TRPA1: variants seen among roughly 807,000 people sequenced by gnomAD.
TRPA1 encodes transient receptor potential cation channel subfamily A member 1, also known as ankyrin-like with transmembrane domains 1.
A neutral mutation model predicts 131.3 loss-of-function variants in TRPA1; 129 were observed. The observed-to-expected ratio is 0.98, with a 90% CI of 0.85 to 1.14. The LOEUF (loss-of-function observed/expected upper bound fraction) is 1.14, where lower values mean the gene tolerates loss of function less well. Ranked by LOEUF, TRPA1 falls within the 50% of genes most tolerant of loss-of-function variation. The pLI is 0.00. For missense variants in TRPA1, 1,304 were observed against 1,354.2 expected (o/e 0.96, Z 0.58); for synonymous variants, 441 against 451.7 (o/e 0.98, Z 0.30).
upstream of TRPA1, among the ~76,000 whole-genome samples, chr8:72,077,560 T>C (rs1262504569): frequency 1.3e-5 from 2 of 152,194 alleles, no homozygotes; most frequent in African/African-American, 4.8e-5. Flanking sequence ...GCAAATAGAT[T>C]AAAAGATAGT....
At chr8:72,023,719 A>G in intron 26 of TRPA1, 95 bp downstream of exon 26, 1 of 811,728 alleles carries the variant, frequency 1.2e-6, no homozygotes, top group East Asian at 2.7e-5. Flanking sequence ...TAATATATAA[A>G]ACAAAAACAT....
intron 18 of TRPA1, among the ~76,000 whole-genome samples, chr8:72,039,413 G>A (rs991715495): frequency 6.6e-6 from 1 of 151,824 alleles, no homozygotes; most frequent in Non-Finnish European, 1.5e-5. Context: ...ATAAATTTTA[G>A]GCTCTAAAGA....
At chr8:72,060,531 T>G (rs1036033997) in intron 7 of TRPA1, 2 of 152,168 alleles carry the variant, frequency 1.3e-5, no homozygotes, top group African/African-American at 4.8e-5. Flanking sequence ...AATCCTGGAT[T>G]CATATACGAC....
At chr8:72,036,020 AAAAAAAAAAAG>A (rs1333800524) in intron 21 of TRPA1, among the ~76,000 whole-genome samples, 3 of 149,890 alleles carry the variant, frequency 2.0e-5, no homozygotes, top group Admixed American at 1.3e-4. Flanking sequence ...AAAAAAAAAA[AAAAAAAAAAAG>A]AAGAAGAAGA....
At chr8:72,086,526 T>G in the TRPA1 span, among the ~76,000 whole-genome samples, 1 of 152,206 alleles carries the variant, frequency 6.6e-6, no homozygotes, top group Admixed American at 6.5e-5. Context: ...ATTGTTTAAA[T>G]AAATACAAAA....
rs1805812365 is a variant in TRPA1 at position 72,061,731 on chromosome 8, C to G, written c.838G>C (p.Ala280Pro). 1 of 1,614,000 alleles carries G rather than the reference C, an allele frequency of 6.2e-7. No homozygotes were observed. Among genetic ancestry groups the G allele is most frequent in the Non-Finnish European group, 8.5e-7 (1 of 1,179,938 alleles). The change falls in exon 7 of 27, where the codon GCC (alanine) becomes CCC (proline). Residue 280 changes from alanine (A) to proline (P), a missense_variant. Coordinates refer to ENST00000262209, the MANE Select transcript of TRPA1 (RefSeq NM_007332.3). ...KGRCTAIHFA[A>P]TQGATEIVKL... ...ACAATCTCAGTGGCTCCCTGGGTGG[C>G]AGCAAAATGAATGGCTGTGCACCTT... is the stretch of plus-strand genomic sequence containing the variant.
intron 22 of TRPA1, among the ~76,000 whole-genome samples, 186 bp downstream of exon 22, chr8:72,034,062 T>G (rs1811938527): frequency 6.6e-6 from 1 of 152,240 alleles, no homozygotes; most frequent in Non-Finnish European, 1.5e-5. Flanking sequence ...ATGGACAAAG[T>G]TGCTTAACAC....
In TRPA1 at chr8:72,069,052, C is replaced by A; in HGVS notation, c.415G>T (p.Val139Leu). 1 of 1,614,200 alleles carries A rather than the reference C, an allele frequency of 6.2e-7. No homozygotes were observed. The highest frequency in any genetic ancestry group is 8.5e-7 in the Non-Finnish European group (1 of 1,180,052). The change falls in exon 3 of 27, where the codon GTG becomes TTG. Residue 139 changes from valine (V) to leucine (L), a missense_variant. Physicochemically the swap from Val to Leu is conservative, Grantham distance 32 (BLOSUM62 1). Coordinates refer to ENST00000262209, the MANE Select transcript of TRPA1 (RefSeq NM_007332.3). ...FNMMAPLHIA[V>L]QGMNNEVMKV... ...ATCACCTCATTATTCATGCCCTGCA[C>A]AGCTATGTGGAGAGGAGCCATCATG...
intron 7 of TRPA1, chr8:72,060,319 C>T (rs1311071782): frequency 2.6e-5 from 4 of 151,770 alleles, no homozygotes; most frequent in Non-Finnish European, 5.9e-5. Flanking sequence ...GAGTTTTTTT[C>T]TTTAATTCCT....
At chr8:72,065,957 AGAAG>A (rs1805922033) in intron 3 of TRPA1, among the ~76,000 whole-genome samples, 1 of 152,164 alleles carries the variant, frequency 6.6e-6, no homozygotes, top group Non-Finnish European at 1.5e-5. Flanking sequence ...GAGGTAGGGA[AGAAG>A]GAAGAGAGTA....
At chr8:72,033,863 GTT>G (rs778949965) in intron 22 of TRPA1, 37 bp from the exon 23 acceptor site, 2 of 1,590,594 alleles carry the variant, frequency 1.3e-6, no homozygotes, top group East Asian at 4.5e-5. Context: ...GAAATGCAAA[GTT>G]TCTACAATGA....
At chr8:72,035,918 G>A (rs1434127328) in intron 21 of TRPA1, among the ~76,000 whole-genome samples, 1 of 150,176 alleles carries the variant, frequency 6.7e-6, no homozygotes, top group Non-Finnish European at 1.5e-5. Flanking sequence ...CTGGACTGGG[G>A]TGGATGCTAC....
chr8:72,031,704 A>C (rs1355069831), intron 23 of TRPA1, among the ~76,000 whole-genome samples: 1 of 152,218 alleles, frequency 6.6e-6, no homozygotes, highest in Non-Finnish European at 1.5e-5. Context: ...TGGGCTCTGA[A>C]GACATTTGAG....
At chr8:72,039,689 G>T in intron 18 of TRPA1, 38 bp downstream of exon 18, 1 of 1,257,600 alleles carries the variant, frequency 8.0e-7, no homozygotes, top group Non-Finnish European at 1.2e-6. Flanking sequence ...AGATCCAATA[G>T]ACACAGCATT....
chr8:72,070,910 C>T (rs192941833), intron 2 of TRPA1, among the ~76,000 whole-genome samples: 2 of 152,192 alleles, frequency 1.3e-5, no homozygotes, highest in South Asian at 2.1e-4. Flanking sequence ...CTCATACCTT[C>T]GCACTCACTT....
At chr8:72,068,819 G>T (rs530767914) in intron 3 of TRPA1, among the ~76,000 whole-genome samples, 1 of 152,264 alleles carries the variant, frequency 6.6e-6, no homozygotes, top group Admixed American at 6.5e-5. Context: ...AAAATGCCCG[G>T]TAAATAAGAA....
rs780698135 is a variant in TRPA1 at position 72,069,108 on chromosome 8, C to T, written c.359G>A (p.Arg120Lys). The T allele has an allele frequency of 6.2e-7, 1 of 1,614,216 alleles. No individual in the cohort carries two copies. ...QIESVKFLLS[R>K]GANPNLRNFN... ...GTTTCGGAGATTTGGGTTTGCTCCT[C>T]TGCTGAGAAGAAACTTAACGCTTTC... Residue 120 changes from arginine (R) to lysine (K), a missense_variant, in exon 3 of 27, where the codon AGA becomes AAA. Arg to Lys is a conservative substitution (Grantham distance 26). Transcript: ENST00000262209.
intron 15 of TRPA1, among the ~76,000 whole-genome samples, chr8:72,048,644 C>G (rs557500354): frequency 3.2e-4 from 48 of 152,156 alleles, no homozygotes; most frequent in Non-Finnish European, 5.4e-4. Context: ...ATTTCAAGAG[C>G]AACTTTTCAG....
intron 23 of TRPA1, among the ~76,000 whole-genome samples, chr8:72,032,284 T>C (rs183131498): frequency 1.2e-3 from 190 of 152,306 alleles, no homozygotes; most frequent in Non-Finnish European, 2.2e-3. Flanking sequence ...TGGTGGCCAT[T>C]TGTAGGAAAA....
Sources: gnomAD v4.1 joint callset for allele counts (sites outside exome capture counted in the v4.1 genomes callset) on GRCh38, gnomAD v4.1.1 for gene constraint, MANE v1.5 for transcripts, NCBI Gene and HGNC (gene_info 2026-07-23, HGNC 2026-07-21) for gene names.